The following RGS7 variants were observed in gnomAD, a reference collection of about 807,000 sequenced individuals.
The protein encoded by RGS7 is regulator of G-protein signaling 7.
Under a neutral mutation model 81.1 loss-of-function variants are expected in RGS7, and 27 were observed. The ratio of observed to expected loss-of-function variants is 0.33; its 90% CI spans 0.25 to 0.46. The LOEUF (loss-of-function observed/expected upper bound fraction) is 0.46. Ranked by LOEUF, RGS7 falls within the 20% of genes least tolerant of loss-of-function variation. The pLI is 1.00. For synonymous variants in RGS7, 208 were observed against 207.7 expected, an observed-to-expected ratio of 1.00 and a Z score of -0.01; for missense variants, 396 against 607.4, an observed-to-expected ratio of 0.65 and a Z score of 3.66.
intron 3 of RGS7, among the ~76,000 whole-genome samples, chr1:241,073,821 A>T (rs1470479731): frequency 6.6e-6 from 1 of 152,066 alleles, no homozygotes. Flanking sequence ...GAATCTCTGC[A>T]ATTGTGGCAA....
intron 2 of RGS7, among the ~76,000 whole-genome samples, chr1:241,286,868 A>G (rs752955463): frequency 6.6e-6 from 1 of 152,166 alleles, no homozygotes; most frequent in Non-Finnish European, 1.5e-5. Context: ...ACCACACACT[A>G]CAATCAACAA....
At chr1:241,332,614 T>C (rs1463046319) in intron 2 of RGS7, among the ~76,000 whole-genome samples, 1 of 152,124 alleles carries the variant, frequency 6.6e-6, no homozygotes, top group East Asian at 1.9e-4. Context: ...ATGAAGTATC[T>C]AACACAACGA....
At chr1:240,873,011 A>G (rs981159952) in intron 6 of RGS7, among the ~76,000 whole-genome samples, 2 of 151,988 alleles carry the variant, frequency 1.3e-5, no homozygotes, top group African/African-American at 2.4e-5. Context: ...CCCAGGAGAC[A>G]GAGGTTGCAG....
rs139637129 is a variant in RGS7 at position 241,009,281 on chromosome 1, C to T, written c.176-26152G>A. On this transcript the variant is annotated intron_variant, in intron 3 of 18. Coordinates refer to ENST00000440928, the MANE Select transcript of RGS7 (RefSeq NM_001364886.1). The stretch of plus-strand genomic sequence containing the variant: ...GCCTTGTATGGAAAATATTATAATC[C>T]GGTTAAATTTCTTTGTTTTCTGCCT... 3.2e-4 allele frequency among the ~76,000 whole-genome samples: 48 copies of T among 152,254 alleles called. No homozygotes were observed. In the East Asian group the frequency reaches 8.3e-3, roughly 26 times the overall value.
intron 3 of RGS7, among the ~76,000 whole-genome samples, chr1:241,035,535 G>A (rs1485575596): frequency 1.3e-5 from 2 of 152,030 alleles, no homozygotes; most frequent in Non-Finnish European, 2.9e-5. Flanking sequence ...TCTCAGAGTG[G>A]CTGAGAATTC....
chr1:241,254,868 T>G (rs1315056823), intron 2 of RGS7, among the ~76,000 whole-genome samples: 1 of 152,162 alleles, frequency 6.6e-6, no homozygotes, highest in Non-Finnish European at 1.5e-5. Context: ...AATATTTAAT[T>G]TATTCCTGAG....
intron 6 of RGS7, among the ~76,000 whole-genome samples, chr1:240,911,800 T>C (rs1671793630): frequency 6.6e-6 from 1 of 152,074 alleles, no homozygotes; most frequent in African/African-American, 2.4e-5. Context: ...AGGTCCTCTA[T>C]CTATCTGACT....
chr1:241,181,368 C>T (rs2071604337), intron 2 of RGS7, among the ~76,000 whole-genome samples: 1 of 152,000 alleles, frequency 6.6e-6, no homozygotes, highest in African/African-American at 2.4e-5. Flanking sequence ...CTTAAAATTG[C>T]TCTAAAAAAT....
At chr1:240,878,489 C>CTTTTTTTTTTTT (rs57896753) in intron 6 of RGS7, among the ~76,000 whole-genome samples, 328 of 117,038 alleles carry the variant, frequency 2.8e-3, no homozygotes, top group East Asian at 6.0e-3. Context: ...TTTTTTCTTT[C>CTTTTTTTTTTTT]TTTTTTTTTT....
intron 2 of RGS7, among the ~76,000 whole-genome samples, chr1:241,121,599 T>C (rs373452912): frequency 2.6e-5 from 4 of 151,756 alleles, no homozygotes; most frequent in African/African-American, 7.3e-5. Context: ...TGGAAGCTTA[T>C]AGGAGAATAT....
chr1:241,306,036 G>A (rs1250611491), intron 2 of RGS7, among the ~76,000 whole-genome samples: 1 of 152,040 alleles, frequency 6.6e-6, no homozygotes, highest in Non-Finnish European at 1.5e-5. Context: ...CTGAAGCATG[G>A]AATTCACATC....
At chr1:241,153,565 G>C (rs933061890) in intron 2 of RGS7, among the ~76,000 whole-genome samples, 4 of 152,266 alleles carry the variant, frequency 2.6e-5, no homozygotes, top group Admixed American at 6.5e-5. Context: ...CCCAACAGAG[G>C]GGGGCTTGCC....
intron 18 of RGS7, among the ~76,000 whole-genome samples, chr1:240,793,611 A>ATATATATATATATTTTTTTTTTTTT: frequency 6.3e-5 from 5 of 78,872 alleles, no homozygotes; most frequent in African/African-American, 1.9e-4. Flanking sequence ...ATATATATAT[A>ATATATATATATATTTTTTTTTTTTT]TTTTTTTTTT....
chr1:241,195,202 G>A (rs541209827), intron 2 of RGS7, among the ~76,000 whole-genome samples: 15 of 152,264 alleles, frequency 9.9e-5, no homozygotes, highest in East Asian at 3.9e-4. Context: ...CCAGCGGGGC[G>A]TGGTAGCTCA....
chr1:241,126,108 G>A (rs964404220), intron 2 of RGS7, among the ~76,000 whole-genome samples: 2 of 151,610 alleles, frequency 1.3e-5, no homozygotes, highest in African/African-American at 4.8e-5. Context: ...TTTGAAATGG[G>A]AATAATTGAG....
chr1:240,828,677 C>T (rs1431472299), intron 9 of RGS7, among the ~76,000 whole-genome samples: 1 of 152,204 alleles, frequency 6.6e-6, no homozygotes, highest in Non-Finnish European at 1.5e-5. Context: ...GTCCCAGCTT[C>T]TCTGGAGGCT....
intron 3 of RGS7, among the ~76,000 whole-genome samples, chr1:241,036,737 T>C (rs1464693690): frequency 1.3e-5 from 2 of 152,228 alleles, no homozygotes; most frequent in Non-Finnish European, 1.5e-5. Flanking sequence ...GCTGAAACTA[T>C]CTTCTTGGAT....
chr1:240,952,725 T>C (rs911618056), intron 4 of RGS7, among the ~76,000 whole-genome samples: 2 of 151,774 alleles, frequency 1.3e-5, no homozygotes, highest in Non-Finnish European at 3.0e-5. Context: ...ATGGTCTAAA[T>C]ACACCAACTA....
At chr1:240,910,198 T>C (rs889397899) in intron 6 of RGS7, among the ~76,000 whole-genome samples, 3 of 152,242 alleles carry the variant, frequency 2.0e-5, no homozygotes, top group Non-Finnish European at 4.4e-5. Flanking sequence ...TTTCGGTTCC[T>C]CAAAAGGTCT....
Sources: allele counts gnomAD v4.1 joint callset (sites outside exome capture counted in the v4.1 genomes callset), GRCh38; gene constraint gnomAD v4.1.1; transcripts MANE v1.5; gene names NCBI Gene and HGNC (gene_info 2026-07-23, HGNC 2026-07-21).